The following ADCY4 variants were observed in gnomAD, a reference collection of about 807,000 sequenced individuals.
ADCY4 encodes adenylate cyclase 4, also known as adenylate cyclase type 4.
Under a neutral mutation model 125.5 loss-of-function variants are expected in ADCY4, and 111 were observed. The observed-to-expected ratio is 0.88, with a 90% CI of 0.76 to 1.04. ADCY4 has a LOEUF of 1.04. Among genes scored for constraint, ADCY4 ranks in the 50% least tolerant of loss-of-function variants. ADCY4 has a pLI of 0.00. For missense variants in ADCY4, 1,256 were observed against 1,382.9 expected (o/e 0.91, Z 1.46); for synonymous variants, 576 against 586.9 (o/e 0.98, Z 0.27).
rs1218220868 is a variant in ADCY4, at chr14:24,319,909, A to G, written c.2587-21T>C. The G allele has an allele frequency of 6.2e-7, 1 of 1,611,134 alleles. No homozygotes were observed. The highest frequency in any genetic ancestry group is 1.1e-5 in the South Asian group (1 of 90,986). On this transcript the variant is annotated intron_variant, in intron 20 of 24. Coordinates refer to ENST00000418030, the MANE Select transcript of ADCY4 (RefSeq NM_001198568.2). The surrounding 1 kb of genome is among the most constrained non-coding windows in gnomAD (Gnocchi z 4.5). ...AGATCCTGGGGGAACAGGAGACTGG[A>G]GTGAGGGGTGTGTGTCATGTTCCTC...
In ADCY4 at chr14:24,324,371, G is replaced by A. The variant is rs745364580; in HGVS notation, c.1844C>T (p.Thr615Met). 6.4e-5 allele frequency: 104 copies of A among 1,614,046 alleles called. No individual in the cohort carries two copies. Among genetic ancestry groups the A allele is most frequent in the Non-Finnish European group, 7.6e-5 (90 of 1,179,978 alleles). Residue 615 changes from threonine to methionine, a missense_variant, in exon 15 of 25, where the codon ACG becomes ATG. Transcript: ENST00000418030. ...GAAGAGGAGGAAGGTGATGCTATACGTGATGGCCAGAGCTGGGGGCCTGAA... is the reference window on the plus strand; with the variant it reads ...GAAGAGGAGGAAGGTGATGCTATACATGATGGCCAGAGCTGGGGGCCTGAA... ...VTNRPPALAI[T>M]YSITFLLFLL... is the part of the protein sequence containing the mutation.
rs2041971029 is a variant in ADCY4, at chr14:24,327,743, T to G, written c.1524+1318A>C. 2.0e-5 allele frequency among the ~76,000 whole-genome samples: 3 copies of G among 152,050 alleles called. No individual in the cohort carries two copies. In the South Asian group the frequency reaches 6.2e-4, roughly 32 times the overall value. ...GAAGTGGGGGGTCCAACTGCCTTTG[T>G]GGTGTCAGGGGAAGGCACTCTCCTG... On this transcript the variant is annotated intron_variant, in intron 10 of 24. Coordinates refer to ENST00000418030, the MANE Select transcript of ADCY4 (RefSeq NM_001198568.2).
At position 24,330,165 on chromosome 14, in the gene ADCY4, G is replaced by A. The variant is rs1199309302; in HGVS notation, c.1058+3C>T. ...ATTCCTCTTGACCACCGCCTGAGCT[G>A]ACCTGATGGCCCGGCACATGTCCAG... On this transcript the variant is annotated splice_donor_region_variant and intron_variant, in intron 7 of 24. Coordinates refer to ENST00000418030, the MANE Select transcript of ADCY4 (RefSeq NM_001198568.2). 1.9e-6 allele frequency: 3 copies of A among 1,613,374 alleles called. No individual in the cohort carries two copies. The highest frequency in any genetic ancestry group is 3.3e-5 in the Admixed American group (2 of 59,998).
At position 24,323,672 on chromosome 14, in the gene ADCY4, A is replaced by G. The variant is rs901325995; in HGVS notation, c.2047-218T>C. ...AAGAGTACTCCTCTGACTCTGAGCC[A>G]CTGTGTGAGCTCTTGCCAGCCACTT... On this transcript the variant is annotated intron_variant, in intron 16 of 24. Coordinates refer to ENST00000418030, the MANE Select transcript of ADCY4 (RefSeq NM_001198568.2). 6 of 1,395,908 alleles carry G rather than the reference A, an allele frequency of 4.3e-6. No individual in the cohort carries two copies. In the African/African-American group the frequency reaches 8.7e-5, roughly 20 times the overall value. The allele number at this position is 1,395,908 out of a possible 1,614,324, so 86.5% of individuals were successfully genotyped here.
At chr14:24,322,785 G>A (rs969535019) in intron 18 of ADCY4, 77 bp from the exon 19 acceptor site, 14 of 1,558,404 alleles carry the variant, frequency 9.0e-6, no homozygotes, top group African/African-American at 2.7e-5. Flanking sequence ...GTAGGCCTCC[G>A]CTTCCCTCCC....
At chr14:24,330,415 G>C in intron 6 of ADCY4, 120 bp from the exon 7 acceptor site, 1 of 1,402,368 alleles carries the variant, frequency 7.1e-7, no homozygotes, top group Non-Finnish European at 9.9e-7. Context: ...GTGGGGTAGT[G>C]TCTAGATCAG....
chr14:24,326,674 A>G lies in ADCY4; in HGVS notation c.1525-332T>C, dbSNP rs1043204078. 2.0e-5 allele frequency among the ~76,000 whole-genome samples: 3 copies of G among 150,302 alleles called. No individual in the cohort carries two copies. The Admixed American group carries it at 2.0e-4, about 10-fold the overall frequency. The stretch of plus-strand genomic sequence containing the variant: ...AATGGCATGATCTCGGCTCACCACA[A>G]CTTCCACCTCCCAGGTTCAACCGAT... On this transcript the variant is annotated intron_variant, in intron 10 of 24. Coordinates refer to ENST00000418030, the MANE Select transcript of ADCY4 (RefSeq NM_001198568.2).
chr14:24,329,056 C>A lies in ADCY4; in HGVS notation c.1524+5G>T. The A allele has an allele frequency of 6.2e-7, 1 of 1,612,620 alleles. No individual in the cohort carries two copies. Among genetic ancestry groups the A allele is most frequent in the Non-Finnish European group, 8.5e-7 (1 of 1,179,328 alleles). ...CTCTGGGGCTCAGGATGAAGGTGCA[C>A]ATACCGGGAGAGGGGTGGAGGTGGA... is the stretch of plus-strand genomic sequence containing the variant. On this transcript the variant is annotated splice_donor_5th_base_variant and intron_variant, in intron 10 of 24. Coordinates refer to ENST00000418030, the MANE Select transcript of ADCY4 (RefSeq NM_001198568.2).
intron 16 of ADCY4, 72 bp downstream of exon 16, chr14:24,323,990 G>A: frequency 1.3e-6 from 2 of 1,553,724 alleles, no homozygotes; most frequent in Non-Finnish European, 1.7e-6. Context: ...CCCAAATCCA[G>A]GGGTTCCCTT....
chr14:24,333,298 G>A (rs1292472558), intron 1 of ADCY4, among the ~76,000 whole-genome samples: 3 of 152,118 alleles, frequency 2.0e-5, no homozygotes, highest in Admixed American at 2.0e-4. Context: ...TCGGCTTACT[G>A]CAACCTCTGC....
intron 20 of ADCY4, 154 bp downstream of exon 20, chr14:24,321,912 C>T: frequency 7.2e-7 from 1 of 1,391,348 alleles, no homozygotes; most frequent in East Asian, 2.4e-5. Flanking sequence ...AAGAAAGAAT[C>T]TAAGATGTTG....
chr14:24,318,601 G>A, intron 24 of ADCY4, 33 bp from the exon 25 acceptor site: 1 of 1,614,062 alleles, frequency 6.2e-7, no homozygotes, highest in Non-Finnish European at 8.5e-7. Flanking sequence ...GAATATGGAG[G>A]TGGCCCTATT....
rs762490937 is a variant in ADCY4, at chr14:24,329,531, C to T, written c.1220G>A (p.Arg407Gln). The T allele has an allele frequency of 7.2e-6, 11 of 1,522,362 alleles. No homozygotes were observed. The highest frequency in any genetic ancestry group is 4.6e-5 in the East Asian group (2 of 43,676). The allele number at this position is 1,522,362 out of a possible 1,614,324, so 94.3% of individuals were successfully genotyped here. The change falls in exon 9 of 25, where the codon CGA becomes CAA. Residue 407 changes from arginine to glutamine, a missense_variant and splice_region_variant. Transcript: ENST00000418030. ...NHMEAGGVPGRVHITGATLAL... is the reference protein window; with the variant it reads ...NHMEAGGVPGQVHITGATLAL... Reference sequence around the variant, plus strand: ...CAGGGTAGCCCCTGTGATGTGCACTCGCCTGGAAGGAGGGAGGCAGTAGGG... The same window carrying T: ...CAGGGTAGCCCCTGTGATGTGCACTTGCCTGGAAGGAGGGAGGCAGTAGGG...
intron 17 of ADCY4, 120 bp from the exon 18 acceptor site, chr14:24,323,208 A>G (rs1177930021): frequency 7.4e-7 from 1 of 1,359,420 alleles, no homozygotes; most frequent in Non-Finnish European, 1.0e-6. Context: ...GGGGCATCAT[A>G]CACACTGATA....
chr14:24,330,975 G>A, intron 6 of ADCY4, 43 bp downstream of exon 6: 2 of 1,543,316 alleles, frequency 1.3e-6, no homozygotes, highest in Non-Finnish European at 1.8e-6. Flanking sequence ...CCCAGGATGG[G>A]ATGTTTGAGG....
At chr14:24,325,246 CAT>C (rs557511420) in intron 14 of ADCY4, 129 bp downstream of exon 14, 99 of 675,934 alleles carry the variant, frequency 1.5e-4, no homozygotes, top group Admixed American at 3.3e-4. Context: ...CCCCAGAACA[CAT>C]GTTTCCTCTG....
rs117026678 is a variant in ADCY4, at chr14:24,318,907, G to A, written c.2957-129C>T. 1.8e-4 allele frequency: 267 copies of A among 1,449,762 alleles called. 2 individuals are homozygous for A. In the East Asian group the frequency reaches 5.8e-3, roughly 31 times the overall value. 89.8% of individuals were successfully genotyped at this position (1,449,762 alleles called of 1,614,324 possible). ...GAGGAGGGGTCTCTAAGGGCTGGAG[G>A]AATGTAGCTTAAGAAAAAGAGTGGG... On this transcript the variant is annotated intron_variant, in intron 23 of 24. Transcript: ENST00000418030.
intron 1 of ADCY4, 50 bp from the exon 2 acceptor site, chr14:24,333,038 A>C: frequency 6.8e-7 from 1 of 1,481,428 alleles, no homozygotes; most frequent in Non-Finnish European, 9.0e-7. Flanking sequence ...GAAGGAACGA[A>C]CCTGATAAAG....
At chr14:24,318,884 G>C in intron 23 of ADCY4, 106 bp from the exon 24 acceptor site, 1 of 1,523,910 alleles carries the variant, frequency 6.6e-7, no homozygotes, top group Non-Finnish European at 9.0e-7. Context: ...CTAGAGGAGA[G>C]GAGGGGTCTC....
Sources: gnomAD v4.1 joint callset for allele counts (sites outside exome capture counted in the v4.1 genomes callset) on GRCh38, gnomAD v4.1.1 for gene constraint, Gnocchi (gnomAD v3.1) non-coding constraint, MANE v1.5 for transcripts, NCBI Gene and HGNC (gene_info 2026-07-23, HGNC 2026-07-21) for gene names.